Variants in NAP1L4 observed in about 807,000 individuals in gnomAD.
NAP1L4 encodes nucleosome assembly protein 1 like 4.
A neutral mutation model predicts 58.2 loss-of-function variants in NAP1L4; 15 were observed. The observed-to-expected ratio is 0.26, with a 90% CI of 0.17 to 0.40. NAP1L4 has a LOEUF of 0.40. NAP1L4 is among the 10% of genes least tolerant of loss of function. NAP1L4 has a pLI of 1.00. For missense variants in NAP1L4, 384 were observed against 451.1 expected, an observed-to-expected ratio of 0.85 and a Z score of 1.35; for synonymous variants, 171 against 155.6, an observed-to-expected ratio of 1.10 and a Z score of -0.74.
At chr11:2,986,601 C>G (rs1163371553) in intron 1 of NAP1L4, among the ~76,000 whole-genome samples, 3 of 150,738 alleles carry the variant, frequency 2.0e-5, no homozygotes, top group African/African-American at 7.3e-5. Flanking sequence ...TCCTATATAT[C>G]CTACAAAATT....
At chr11:2,980,369 G>A (rs943555022) in intron 1 of NAP1L4, among the ~76,000 whole-genome samples, 3 of 152,072 alleles carry the variant, frequency 2.0e-5, no homozygotes, top group Non-Finnish European at 4.4e-5. Context: ...ATTTTTTGTA[G>A]AGATAGGGTC....
chr11:2,980,966 T>C (rs752705418), intron 1 of NAP1L4, among the ~76,000 whole-genome samples: 2 of 151,618 alleles, frequency 1.3e-5, no homozygotes, highest in African/African-American at 2.4e-5. Flanking sequence ...CAGTGGTTCA[T>C]GCCTATAATC....
In NAP1L4 at chr11:2,954,780, G is replaced by T; in HGVS notation, c.916-134C>A. 4 of 1,155,936 alleles carry T rather than the reference G, an allele frequency of 3.5e-6. No homozygotes were observed. Among genetic ancestry groups the T allele is most frequent in the Non-Finnish European group, 5.1e-6 (4 of 789,492 alleles). 71.6% of individuals were successfully genotyped at this position (1,155,936 alleles called of 1,614,324 possible). On this transcript the variant is annotated intron_variant, in intron 11 of 15. Transcript: ENST00000380542. This position sits in a 1 kb window ranked among gnomAD's most constrained non-coding sequence, Gnocchi z 4.8. Reference sequence around the variant, plus strand: ...ACACCAAACTCCTGCACTGCTGGGGGACAGCCACTAGACACTCAAAGCCCC... The same window carrying T: ...ACACCAAACTCCTGCACTGCTGGGGTACAGCCACTAGACACTCAAAGCCCC...
intron 6 of NAP1L4, among the ~76,000 whole-genome samples, chr11:2,970,929 C>CA (rs1847606427): frequency 6.6e-6 from 1 of 151,156 alleles, no homozygotes; most frequent in African/African-American, 2.4e-5. Context: ...ATCAGGCTGA[C>CA]AAAGTTAATC....
Position 2,955,604 on chromosome 11 carries a change from A to G in NAP1L4, c.915+140T>C. The G allele has an allele frequency of 1.3e-6, 1 of 777,228 alleles. No homozygotes were observed. The highest frequency in any genetic ancestry group is 2.1e-6 in the Non-Finnish European group (1 of 476,126). 48.1% of individuals were successfully genotyped at this position (777,228 alleles called of 1,614,324 possible). A position where few individuals can be genotyped will look rare whatever the true frequency, so the allele number is the denominator to read the frequency against. ...TGGACTCGTGCAGTCCTCCCACCTC[A>G]GCCTCCCAAAGCATTAAGATCACTG... On this transcript the variant is annotated intron_variant, in intron 11 of 15. Coordinates refer to ENST00000380542, the MANE Select transcript of NAP1L4 (RefSeq NM_005969.4). The surrounding 1 kb of genome is among the most constrained non-coding windows in gnomAD (Gnocchi z 4.2).
chr11:2,970,283 G>C (rs913003349), intron 6 of NAP1L4, among the ~76,000 whole-genome samples: 1 of 152,156 alleles, frequency 6.6e-6, no homozygotes, highest in Admixed American at 6.5e-5. Context: ...TGCAAAGACT[G>C]TACATCAACC....
intron 1 of NAP1L4, among the ~76,000 whole-genome samples, chr11:2,981,346 G>A (rs971569972): frequency 1.3e-5 from 2 of 148,720 alleles, no homozygotes; most frequent in Non-Finnish European, 3.0e-5. Context: ...GGAGTTGGAG[G>A]CCTGGCGGCT....
At position 2,970,117 on chromosome 11, in the gene NAP1L4, C is replaced by T. The variant is rs1259717293; in HGVS notation, c.403-183G>A. On this transcript the variant is annotated intron_variant, in intron 6 of 15. Transcript: ENST00000380542. ...TTTTCAGATGCTTCTGAGGAAAAAG[C>T]ATTCAAGTCATTACATCCACACGGA... is the stretch of plus-strand genomic sequence containing the variant. Among the ~76,000 whole-genome samples the T allele has an allele frequency of 8.5e-5, 13 of 152,214 alleles. No homozygotes were observed. In the East Asian group the frequency reaches 2.5e-3, roughly 29 times the overall value.
In NAP1L4 at chr11:2,948,981, A is replaced by G. The variant is rs1322650572; in HGVS notation, c.*32+246T>C. ...TGGAAAGCAGTACCATCAGCAATGA[A>G]AATTACACCCAAGTTACATCTTTGC... On this transcript the variant is annotated intron_variant, in intron 15 of 15. Coordinates refer to ENST00000380542, the MANE Select transcript of NAP1L4 (RefSeq NM_005969.4). This position sits in a 1 kb window ranked among gnomAD's most constrained non-coding sequence, Gnocchi z 5.1. Among the ~76,000 whole-genome samples the G allele has an allele frequency of 1.3e-5, 2 of 152,228 alleles. No individual in the cohort carries two copies. The highest frequency in any genetic ancestry group is 2.9e-5 in the Non-Finnish European group (2 of 68,048).
chr11:2,979,276 G>A, intron 1 of NAP1L4, 39 bp from the exon 2 acceptor site: 1 of 1,535,330 alleles, frequency 6.5e-7, no homozygotes, highest in South Asian at 1.2e-5. Context: ...ATATTCATAA[G>A]CAAAAATGTT....
At chr11:2,990,245 G>A (rs115240061) in intron 1 of NAP1L4, 1 of 151,906 alleles carries the variant, frequency 6.6e-6, no homozygotes, top group Non-Finnish European at 1.5e-5. Context: ...TATTTAAGAC[G>A]GCAGTAACGT....
intron 2 of NAP1L4, 86 bp downstream of exon 2, chr11:2,979,121 A>T (rs1848149704): frequency 7.3e-7 from 1 of 1,367,664 alleles, no homozygotes; most frequent in Non-Finnish European, 1.0e-6. Flanking sequence ...TTTAACTTTG[A>T]TTCTAATTAT....
At position 2,954,495 on chromosome 11, in the gene NAP1L4, A is replaced by C. The variant is rs1431091929; in HGVS notation, c.1035+32T>G. 1 of 1,612,942 alleles carries C rather than the reference A, an allele frequency of 6.2e-7. No homozygotes were observed. The highest frequency in any genetic ancestry group is 1.7e-5 in the Admixed American group (1 of 59,972). On this transcript the variant is annotated intron_variant, in intron 12 of 15. Transcript: ENST00000380542. The surrounding 1 kb of genome is among the most constrained non-coding windows in gnomAD (Gnocchi z 4.8). ...TCTGCACCAACAGAGATAAGCACCCAGGTGGAAGCCCCCCTTCCCCGAGCC... is the reference window on the plus strand; with the variant it reads ...TCTGCACCAACAGAGATAAGCACCCCGGTGGAAGCCCCCCTTCCCCGAGCC...
Position 2,951,941 on chromosome 11 carries a change from G to A in NAP1L4, c.1036-132C>T. Reference sequence around the variant, plus strand: ...AAAGTCCAGCCACGCTGCCTGCTGGGCCTCGCTTGCCTGAGGAGCCATTTG... The same window carrying A: ...AAAGTCCAGCCACGCTGCCTGCTGGACCTCGCTTGCCTGAGGAGCCATTTG... On this transcript the variant is annotated intron_variant, in intron 12 of 15. Coordinates refer to ENST00000380542, the MANE Select transcript of NAP1L4 (RefSeq NM_005969.4). The surrounding 1 kb of genome is among the most constrained non-coding windows in gnomAD (Gnocchi z 4.0). 2.5e-6 allele frequency: 2 copies of A among 811,488 alleles called. No homozygotes were observed. Among genetic ancestry groups the A allele is most frequent in the East Asian group, 2.6e-5 (1 of 38,652 alleles). The allele number at this position is 811,488 out of a possible 1,614,324, so 50.3% of individuals were successfully genotyped here.
chr11:2,959,939 G>A lies in NAP1L4; in HGVS notation c.607-30C>T, dbSNP rs16928900. 4,145 of 1,598,850 alleles carry A rather than the reference G, an allele frequency of 2.6e-3. 76 individuals are homozygous for A. In the African/African-American group the frequency reaches 0.048, roughly 19 times the overall value. On this transcript the variant is annotated intron_variant, in intron 8 of 15. Coordinates refer to ENST00000380542, the MANE Select transcript of NAP1L4 (RefSeq NM_005969.4). This position sits in a 1 kb window ranked among gnomAD's most constrained non-coding sequence, Gnocchi z 4.9. ...AAGTAGAAATTCAGAGTAAGCACCA[G>A]TTAAAATAGAAAAATAACGAGGACA...
chr11:2,989,592 T>C (rs1848835344), intron 1 of NAP1L4, among the ~76,000 whole-genome samples: 1 of 152,158 alleles, frequency 6.6e-6, no homozygotes, highest in Non-Finnish European at 1.5e-5. Flanking sequence ...TATATATACA[T>C]ACATATTTGA....
At chr11:2,952,023 G>A in intron 12 of NAP1L4, 1 of 619,084 alleles carries the variant, frequency 1.6e-6, no homozygotes, top group South Asian at 1.9e-5. Context: ...CGCAAAACAA[G>A]GAATAGGATA....
intron 9 of NAP1L4, chr11:2,958,876 T>G: frequency 3.8e-6 from 1 of 265,244 alleles, no homozygotes; most frequent in East Asian, 8.8e-5. Context: ...TTGTCCGCGG[T>G]TTCCCAAGGA....
At chr11:2,952,147 C>T (rs780029301) in intron 12 of NAP1L4, 30 of 366,160 alleles carry the variant, frequency 8.2e-5, no homozygotes, top group Admixed American at 5.6e-4. Context: ...TTTTTGTAAA[C>T]CGATGAATTT....
Sources: allele counts gnomAD v4.1 joint callset (sites outside exome capture counted in the v4.1 genomes callset), GRCh38; gene constraint gnomAD v4.1.1; non-coding constraint Gnocchi (gnomAD v3.1); transcripts MANE v1.5; gene names NCBI Gene and HGNC (gene_info 2026-07-23, HGNC 2026-07-21).